Variants in CACNA2D3 observed in about 807,000 individuals in gnomAD.
The protein encoded by CACNA2D3 is calcium voltage-gated channel auxiliary subunit alpha2delta 3.
CACNA2D3 carries 60 observed loss-of-function variants against 160.6 expected under a neutral mutation model. That is an observed-to-expected ratio of 0.37 (90% CI 0.30 to 0.46). CACNA2D3 has a LOEUF of 0.46. Among genes scored for constraint, CACNA2D3 ranks in the 20% least tolerant of loss-of-function variants. The pLI is 1.00. For synonymous variants in CACNA2D3, 558 were observed against 492.9 expected, an observed-to-expected ratio of 1.13 and a Z score of -1.75; for missense variants, 1,205 against 1,365.0, an observed-to-expected ratio of 0.88 and a Z score of 1.85.
At chr3:54,202,149 A>G (rs116130352) in intron 2 of CACNA2D3, among the ~76,000 whole-genome samples, 3,436 of 152,290 alleles carry the variant, frequency 0.023, 166 homozygotes, top group African/African-American at 0.077. Flanking sequence ...TAGCCTGGGA[A>G]TCCACCCTAC....
intron 13 of CACNA2D3, among the ~76,000 whole-genome samples, chr3:54,782,961 G>A (rs938320870): frequency 1.1e-4 from 17 of 152,266 alleles, no homozygotes; most frequent in Non-Finnish European, 1.6e-4. Flanking sequence ...CCTGTGTTAC[G>A]AGCTTTTGCA....
chr3:54,316,870 G>A (rs914426925), intron 2 of CACNA2D3, among the ~76,000 whole-genome samples: 4 of 152,194 alleles, frequency 2.6e-5, no homozygotes, highest in Non-Finnish European at 5.9e-5. Context: ...AACAGATATG[G>A]CCAGAATATT....
At chr3:54,210,251 T>G (rs1335702057) in intron 2 of CACNA2D3, among the ~76,000 whole-genome samples, 1 of 152,160 alleles carries the variant, frequency 6.6e-6, no homozygotes, top group Non-Finnish European at 1.5e-5. Flanking sequence ...CATGTCAAAC[T>G]AGGATGATGA....
chr3:54,695,464 T>C (rs1040655439), intron 11 of CACNA2D3, among the ~76,000 whole-genome samples: 1 of 151,900 alleles, frequency 6.6e-6, no homozygotes, highest in African/African-American at 2.4e-5. Context: ...TACAAATGCA[T>C]GAGTGGTTCC....
At chr3:54,328,202 A>G (rs1472317378) in intron 3 of CACNA2D3, among the ~76,000 whole-genome samples, 2 of 152,050 alleles carry the variant, frequency 1.3e-5, no homozygotes, top group African/African-American at 2.4e-5. Context: ...CTATTTCCGC[A>G]TTATCCTCTC....
chr3:54,161,554 C>T (rs530589635), intron 2 of CACNA2D3, among the ~76,000 whole-genome samples: 2 of 152,316 alleles, frequency 1.3e-5, no homozygotes, highest in Admixed American at 6.5e-5. Flanking sequence ...TGACAAAGCT[C>T]AGGCTTAAGT....
chr3:54,379,670 T>C (rs189992547), intron 3 of CACNA2D3, among the ~76,000 whole-genome samples: 48 of 152,344 alleles, frequency 3.2e-4, no homozygotes, highest in African/African-American at 1.1e-3. Context: ...AATTGCTGTT[T>C]CCAGAACATT....
At chr3:54,630,433 CGGCCTGCCAAGGTACTCCCACATGGG>C (rs1699210599) in intron 10 of CACNA2D3, among the ~76,000 whole-genome samples, 3 of 152,112 alleles carry the variant, frequency 2.0e-5, no homozygotes, top group Non-Finnish European at 4.4e-5. Context: ...AGTTTAATGC[CGGCCTGCCAAGGTACTCCCACATGGG>C]GGTTGTGGTC....
chr3:54,875,606 A>G (rs1699640682), intron 18 of CACNA2D3: 1 of 152,250 alleles, frequency 6.6e-6, no homozygotes, highest in Non-Finnish European at 1.5e-5. Flanking sequence ...GGCTGGTCAG[A>G]GTAGCAGACT....
rs939845141 is a variant in CACNA2D3, at chr3:55,073,991, G to A, written c.3184-123G>A. 1.6e-5 allele frequency: 17 copies of A among 1,079,390 alleles called. No individual in the cohort carries two copies. The African/African-American group carries it at 2.3e-4, about 15-fold the overall frequency. 66.9% of individuals were successfully genotyped at this position (1,079,390 alleles called of 1,614,324 possible). A position where few individuals can be genotyped will look rare whatever the true frequency, so the allele number is the denominator to read the frequency against. ...CCCTTTCATTCAGTAAACTGAATCT[G>A]CACCATCATCTAGGTCCCAGAAGAC... On this transcript the variant is annotated intron_variant, in intron 37 of 37. Coordinates refer to ENST00000474759, the MANE Select transcript of CACNA2D3 (RefSeq NM_018398.3).
Position 55,074,127 on chromosome 3 carries a change from A to AGT in CACNA2D3, c.3201_3202dup (p.Gly1068ValfsTer20). On this transcript the variant is annotated frameshift_variant, in exon 38 of 38. Transcript: ENST00000474759. LOFTEE classifies it high-confidence loss of function. ...CTTTCCCCATAGGAGAATGCAAGGG[A>AGT]GTGTGGGGGTGCGCCGAGTCTCCAA... 1 of 1,613,490 alleles carries AGT rather than the reference A, an allele frequency of 6.2e-7. No homozygotes were observed. Among genetic ancestry groups the AGT allele is most frequent in the Non-Finnish European group, 8.5e-7 (1 of 1,179,574 alleles).
chr3:54,834,678 C>T (rs1698630824), intron 14 of CACNA2D3, among the ~76,000 whole-genome samples: 1 of 151,996 alleles, frequency 6.6e-6, no homozygotes, highest in Non-Finnish European at 1.5e-5. Flanking sequence ...ATATGATTAC[C>T]ATGTATATTA....
chr3:54,815,844 C>T (rs576903743), intron 13 of CACNA2D3, among the ~76,000 whole-genome samples: 2 of 152,162 alleles, frequency 1.3e-5, no homozygotes, highest in South Asian at 2.1e-4. Flanking sequence ...AAATGTTAGT[C>T]CCTATGTTGA....
intron 4 of CACNA2D3, among the ~76,000 whole-genome samples, chr3:54,429,273 A>G (rs1699953693): frequency 1.3e-5 from 2 of 152,176 alleles, no homozygotes; most frequent in Admixed American, 6.5e-5. Context: ...AATCAACTAA[A>G]AAAAAATCAT....
At chr3:54,827,080 C>A (rs995969507) in intron 14 of CACNA2D3, among the ~76,000 whole-genome samples, 1 of 152,288 alleles carries the variant, frequency 6.6e-6, no homozygotes, top group South Asian at 2.1e-4. Flanking sequence ...TCCTGAGGGC[C>A]AAACATGGCA....
chr3:54,534,391 C>G (rs1021070800), intron 5 of CACNA2D3, among the ~76,000 whole-genome samples: 6 of 152,128 alleles, frequency 3.9e-5, no homozygotes, highest in African/African-American at 1.4e-4. Context: ...GATAGAAGAG[C>G]TTCCCTGCCC....
Position 54,149,883 on chromosome 3 carries a change from G to GTCTC in CACNA2D3, c.204+26334_204+26337dup, listed in dbSNP as rs554851240. On this transcript the variant is annotated intron_variant, in intron 2 of 37. Coordinates refer to ENST00000474759, the MANE Select transcript of CACNA2D3 (RefSeq NM_018398.3). ...CAGAGAGGGCTGTCCTGAAGTATCT[G>GTCTC]TCTCTCTCTCTCTCTCTCTCTCTCT... is the stretch of plus-strand genomic sequence containing the variant. Among the ~76,000 whole-genome samples, 218 of 60,724 alleles carry GTCTC rather than the reference G, an allele frequency of 3.6e-3. 9 individuals are homozygous for GTCTC. The highest frequency in any genetic ancestry group is 6.5e-3 in the East Asian group (12 of 1,850). The allele number at this position is 60,724 out of a possible 152,430, so 39.8% of individuals were successfully genotyped here.
At chr3:55,037,063 G>A (rs371228000) in intron 35 of CACNA2D3, among the ~76,000 whole-genome samples, 4 of 152,030 alleles carry the variant, frequency 2.6e-5, no homozygotes, top group South Asian at 2.1e-4. Flanking sequence ...GGATCTCCTC[G>A]TGTATAACAC....
At chr3:54,888,349 G>A (rs756236622) in intron 24 of CACNA2D3, among the ~76,000 whole-genome samples, 4 of 152,086 alleles carry the variant, frequency 2.6e-5, no homozygotes, top group African/African-American at 7.2e-5. Flanking sequence ...TGCCTGCCTC[G>A]CCACAGCTCT....
Sources: gnomAD v4.1 joint callset for allele counts (sites outside exome capture counted in the v4.1 genomes callset) on GRCh38, gnomAD v4.1.1 for gene constraint, MANE v1.5 for transcripts, NCBI Gene and HGNC (gene_info 2026-07-23, HGNC 2026-07-21) for gene names.